The following CDHR3 variants were observed in gnomAD, a reference collection of about 807,000 sequenced individuals.
The protein encoded by CDHR3 is cadherin-related family member 3.
A neutral mutation model predicts 86.6 loss-of-function variants in CDHR3; 79 were observed. That is an observed-to-expected ratio of 0.91 (90% CI 0.76 to 1.10). The LOEUF is 1.10. Ranked by LOEUF, CDHR3 falls within the 50% of genes least tolerant of loss-of-function variation. CDHR3 has a pLI of 0.00. For missense variants in CDHR3, 1,081 were observed against 1,077.6 expected (o/e 1.00, Z -0.04); for synonymous variants, 421 against 402.4 (o/e 1.05, Z -0.55).
chr7:105,998,748 C>T (rs530512705), intron 6 of CDHR3, among the ~76,000 whole-genome samples: 123 of 151,772 alleles, frequency 8.1e-4, no homozygotes, highest in African/African-American at 2.9e-3. Context: ...CATGCCATTG[C>T]ACTCCAACCT....
chr7:105,984,094 C>T (rs1830181121), intron 3 of CDHR3, 98 bp from the exon 4 acceptor site: 1 of 585,222 alleles, frequency 1.7e-6, no homozygotes. Flanking sequence ...ATGCCAACAC[C>T]CTTGGTTCCC....
At chr7:105,969,683 C>T (rs192977277) in intron 1 of CDHR3, among the ~76,000 whole-genome samples, 4 of 152,304 alleles carry the variant, frequency 2.6e-5, no homozygotes, top group Non-Finnish European at 2.9e-5. Flanking sequence ...TTCTTCCGTC[C>T]CATAGAGAAA....
intron 8 of CDHR3, among the ~76,000 whole-genome samples, chr7:106,011,947 T>C (rs868080421): frequency 1.3e-5 from 2 of 152,240 alleles, no homozygotes; most frequent in Admixed American, 6.5e-5. Flanking sequence ...TTCTAGGCCA[T>C]TGAAGCCACT....
At position 105,974,863 on chromosome 7, in the gene CDHR3, A is replaced by G. The variant is rs1472059800; in HGVS notation, c.66A>G (p.Leu22=). ...CCACAGGGGGAGAAGCACTACACCT[A>G]ATCCTCTTACCTGCTACAGGCAATG... The part of the protein sequence containing the change: ...GAMSGGEALH[L]ILLPATGNVA... Residue 22 remains leucine, a synonymous_variant, in exon 2 of 19, where the codon CTA becomes CTG. Transcript: ENST00000317716. 1 of 1,613,364 alleles carries G rather than the reference A, an allele frequency of 6.2e-7. No homozygotes were observed. Among genetic ancestry groups the G allele is most frequent in the African/African-American group, 1.3e-5 (1 of 74,916 alleles).
chr7:105,975,072 T>G (rs202127811), intron 2 of CDHR3, 26 bp downstream of exon 2: 2 of 1,558,548 alleles, frequency 1.3e-6, no homozygotes, highest in Admixed American at 1.7e-5. Flanking sequence ...CCAACATGAG[T>G]GTTGCCTGCA....
At position 106,015,164 on chromosome 7, in the gene CDHR3, A is replaced by G; in HGVS notation, c.1278A>G (p.Lys426=). ...CAAGTAACCTAGCAGCCGGCAATAA[A>G]TATACGGTGATAATCCAGGTGCAGG... The part of the protein sequence containing the change: ...ENPSNLAAGN[K]YTVIIQVQDV... Residue 426 remains lysine, a synonymous_variant, in exon 10 of 19, where the codon AAA becomes AAG. Coordinates refer to ENST00000317716, the MANE Select transcript of CDHR3 (RefSeq NM_152750.5). 1 of 1,611,704 alleles carries G rather than the reference A, an allele frequency of 6.2e-7. No homozygotes were observed. Among genetic ancestry groups the G allele is most frequent in the Non-Finnish European group, 8.5e-7 (1 of 1,179,038 alleles).
intron 7 of CDHR3, among the ~76,000 whole-genome samples, chr7:106,004,090 G>A (rs924429629): frequency 6.6e-6 from 1 of 151,158 alleles, no homozygotes; most frequent in Non-Finnish European, 1.5e-5. Flanking sequence ...TGGGGACATA[G>A]AAAGGATGTG....
chr7:106,006,861 C>T (rs925311725), intron 8 of CDHR3, among the ~76,000 whole-genome samples: 1 of 152,210 alleles, frequency 6.6e-6, no homozygotes, highest in African/African-American at 2.4e-5. Context: ...CTAGGGACTT[C>T]GTGTGGGGAC....
rs892144173 is a variant in CDHR3, at chr7:105,994,798, C to T, written c.561C>T (p.Gly187=). ...PPKSFRMSAN[G]TLFSTTELDF... ...AGAGCTTCAGAATGTCTGCTAATGG[C>T]ACCCTCTTCTCCACAACAGAATTGG... Residue 187 remains glycine (G), a synonymous_variant, in exon 5 of 19, where the codon GGC becomes GGT. Transcript: ENST00000317716. 1.9e-6 allele frequency: 3 copies of T among 1,612,556 alleles called. No homozygotes were observed. The highest frequency in any genetic ancestry group is 2.2e-5 in the East Asian group (1 of 44,886).
At chr7:106,032,075 A>G (rs1290964074) in intron 18 of CDHR3, among the ~76,000 whole-genome samples, 1 of 152,250 alleles carries the variant, frequency 6.6e-6, no homozygotes, top group Non-Finnish European at 1.5e-5. Flanking sequence ...TAATTTATCC[A>G]AAGCTTGCAT....
intron 16 of CDHR3, 161 bp from the exon 17 acceptor site, chr7:106,028,390 G>C (rs897544662): frequency 2.6e-6 from 2 of 777,744 alleles, no homozygotes; most frequent in East Asian, 5.4e-5. Context: ...TGAGAAGATG[G>C]AAAGTTGTCA....
intron 8 of CDHR3, 65 bp from the exon 9 acceptor site, chr7:106,012,795 C>A: frequency 6.6e-7 from 1 of 1,506,462 alleles, no homozygotes; most frequent in Non-Finnish European, 8.9e-7. Flanking sequence ...GCCCAGGGCC[C>A]ATGTGAGAAG....
At chr7:105,978,696 G>A (rs1829190817) in intron 2 of CDHR3, among the ~76,000 whole-genome samples, 2 of 152,168 alleles carry the variant, frequency 1.3e-5, no homozygotes, top group African/African-American at 4.8e-5. Context: ...GCACATAAAT[G>A]CTCAATAAAT....
Position 105,990,477 on chromosome 7 carries a change from C to A in CDHR3, c.514-4274C>A, listed in dbSNP as rs747111808. ...ACAAAGAGAGGAATTGAGGCTTTTACAAAATATTCAGCTTCCATTGAAAAA... is the reference window on the plus strand; with the variant it reads ...ACAAAGAGAGGAATTGAGGCTTTTAAAAAATATTCAGCTTCCATTGAAAAA... On this transcript the variant is annotated intron_variant, in intron 4 of 18. Transcript: ENST00000317716. 1.1e-3 allele frequency among the ~76,000 whole-genome samples: 169 copies of A among 152,254 alleles called. 1 individual carries two copies. The highest frequency in any genetic ancestry group is 3.4e-3 in the Middle Eastern group (1 of 294).
intron 1 of CDHR3, among the ~76,000 whole-genome samples, chr7:105,970,745 G>A (rs112477459): frequency 0.057 from 8,670 of 152,192 alleles, 351 homozygotes; most frequent in Admixed American, 0.13. Context: ...TTTAGGGTAT[G>A]GACCCTAGTC....
chr7:106,007,651 G>A (rs1834142439), intron 8 of CDHR3, among the ~76,000 whole-genome samples: 1 of 152,182 alleles, frequency 6.6e-6, no homozygotes, highest in African/African-American at 2.4e-5. Flanking sequence ...GACCACCTCA[G>A]CCTGGATTTA....
intron 5 of CDHR3, among the ~76,000 whole-genome samples, chr7:105,995,567 C>A (rs368142551): frequency 1.3e-5 from 2 of 152,090 alleles, no homozygotes; most frequent in Non-Finnish European, 2.9e-5. Context: ...CCGGTGAAGT[C>A]CTGCTCGTTT....
rs1838097858 is a variant in CDHR3 at position 106,030,080 on chromosome 7, A to G, written c.2305-712A>G. The stretch of plus-strand genomic sequence containing the variant: ...AACTGGAGATTGGAAAGCTTGCTAA[A>G]CTCCAAACACAATCCTTGTTACTGT... On this transcript the variant is annotated intron_variant, in intron 17 of 18. Transcript: ENST00000317716. This position sits in a 1 kb window ranked among gnomAD's most constrained non-coding sequence, Gnocchi z 4.8. Among the ~76,000 whole-genome samples the G allele has an allele frequency of 6.6e-6, 1 of 152,036 alleles. No homozygotes were observed. The highest frequency in any genetic ancestry group is 2.1e-4 in the South Asian group (1 of 4,824).
chr7:106,003,989 C>CAAAAAAAAAAAA lies in CDHR3; in HGVS notation c.863-498_863-487dup, dbSNP rs55815648. 4.3e-3 allele frequency among the ~76,000 whole-genome samples: 345 copies of CAAAAAAAAAAAA among 79,758 alleles called. 1 individual carries two copies. Among genetic ancestry groups the CAAAAAAAAAAAA allele is most frequent in the African/African-American group, 5.6e-3 (118 of 20,914 alleles). The allele number at this position is 79,758 out of a possible 152,430, so 52.3% of individuals were successfully genotyped here. A position where few individuals can be genotyped will look rare whatever the true frequency, so the allele number is the denominator to read the frequency against. On this transcript the variant is annotated intron_variant, in intron 7 of 18. Coordinates refer to ENST00000317716, the MANE Select transcript of CDHR3 (RefSeq NM_152750.5). ...AGAAACTAAGGTAAACCAACCTAAC[C>CAAAAAAAAAAAA]AAAAAAAAAAAAAAAAAAAAAAGAA... is the stretch of plus-strand genomic sequence containing the variant.
Sources: gnomAD v4.1 joint callset for allele counts (sites outside exome capture counted in the v4.1 genomes callset) on GRCh38, gnomAD v4.1.1 for gene constraint, Gnocchi (gnomAD v3.1) non-coding constraint, MANE v1.5 for transcripts, NCBI Gene and HGNC (gene_info 2026-07-23, HGNC 2026-07-21) for gene names.